The following PTPRN2 variants were observed in gnomAD, a reference collection of about 807,000 sequenced individuals.
PTPRN2 encodes the protein receptor-type tyrosine-protein phosphatase N2.
A neutral mutation model predicts 118.8 loss-of-function variants in PTPRN2; 74 were observed. The observed-to-expected ratio is 0.62, with a 90% confidence interval of 0.52 to 0.76. The LOEUF (loss-of-function observed/expected upper bound fraction) is 0.76. Ranked by LOEUF, PTPRN2 falls within the 30% of genes least tolerant of loss-of-function variation. PTPRN2 has a pLI of 0.00. For missense variants in PTPRN2, 1,481 were observed against 1,394.4 expected (o/e 1.06, Z -0.99); for synonymous variants, 641 against 608.0 (o/e 1.05, Z -0.80).
At chr7:157,683,912 G>T (rs558420773) in intron 12 of PTPRN2, among the ~76,000 whole-genome samples, 17 of 152,240 alleles carry the variant, frequency 1.1e-4, no homozygotes, top group South Asian at 4.2e-4. Context: ...TACAAGATGA[G>T]AACAATTAGC....
chr7:157,709,372 T>C (rs1302930616), intron 12 of PTPRN2, among the ~76,000 whole-genome samples: 2 of 152,200 alleles, frequency 1.3e-5, no homozygotes, highest in Non-Finnish European at 2.9e-5. Flanking sequence ...GACAATTCTT[T>C]CAGTCCTGGT....
At chr7:158,431,455 C>T (rs201134399) in intron 2 of PTPRN2, among the ~76,000 whole-genome samples, 7 of 139,790 alleles carry the variant, frequency 5.0e-5, no homozygotes, top group Admixed American at 4.9e-4. Context: ...CTGCCTCACA[C>T]GACACACACT....
At chr7:157,710,130 AAGGGGAACCCAC>A (rs1398727830) in intron 12 of PTPRN2, among the ~76,000 whole-genome samples, 2 of 152,176 alleles carry the variant, frequency 1.3e-5, no homozygotes. Context: ...GCATCCACAC[AAGGGGAACCCAC>A]AGGGCACTTG....
At chr7:157,856,352 G>A (rs1033793280) in intron 12 of PTPRN2, among the ~76,000 whole-genome samples, 10 of 152,250 alleles carry the variant, frequency 6.6e-5, no homozygotes, top group Non-Finnish European at 1.3e-4. Context: ...ACAGCTGGCT[G>A]TTTTTTGTTT....
At chr7:158,326,470 C>T (rs1803529781) in intron 2 of PTPRN2, among the ~76,000 whole-genome samples, 1 of 152,236 alleles carries the variant, frequency 6.6e-6, no homozygotes, top group African/African-American at 2.4e-5. Context: ...GCACAATACA[C>T]AAGCAACCAC....
chr7:158,131,485 CTT>C (rs931878169), intron 9 of PTPRN2, among the ~76,000 whole-genome samples: 11 of 147,824 alleles, frequency 7.4e-5, no homozygotes, highest in Admixed American at 4.0e-4. Context: ...TACACACACA[CTT>C]ATACACACAA....
chr7:158,184,175 T>A (rs1381121052), intron 5 of PTPRN2, among the ~76,000 whole-genome samples: 1 of 152,160 alleles, frequency 6.6e-6, no homozygotes, highest in East Asian at 1.9e-4. Context: ...TTAAGGATTG[T>A]GTTTTTGTAT....
At chr7:158,337,501 TCG>T (rs1805887348) in intron 2 of PTPRN2, among the ~76,000 whole-genome samples, 1 of 149,952 alleles carries the variant, frequency 6.7e-6, no homozygotes. Context: ...CAGACGTCAC[TCG>T]CACCCACACT....
chr7:158,470,132 G>C (rs1197216283), intron 2 of PTPRN2, among the ~76,000 whole-genome samples: 1 of 152,206 alleles, frequency 6.6e-6, no homozygotes, highest in Non-Finnish European at 1.5e-5. Context: ...TCGTCAAGTA[G>C]AAATAAAAGA....
At chr7:158,511,053 A>G (rs1343912245) in intron 1 of PTPRN2, among the ~76,000 whole-genome samples, 1 of 152,234 alleles carries the variant, frequency 6.6e-6, no homozygotes, top group African/African-American at 2.4e-5. Context: ...GTTTTTCTCA[A>G]GTTAAAATAT....
At chr7:158,403,585 A>G (rs969298304) in intron 2 of PTPRN2, among the ~76,000 whole-genome samples, 3 of 152,194 alleles carry the variant, frequency 2.0e-5, no homozygotes, top group African/African-American at 4.8e-5. Flanking sequence ...TGGCACGTCA[A>G]TCACCACAGA....
In PTPRN2 at chr7:157,656,360, G is replaced by A; in HGVS notation, c.2193C>T (p.Ile731=). The A allele has an allele frequency of 6.5e-7, 1 of 1,549,010 alleles. No homozygotes were observed. Among genetic ancestry groups the A allele is most frequent in the South Asian group, 1.2e-5 (1 of 84,040 alleles). The change falls in exon 14 of 23, where the codon ATC becomes ATT. Residue 731 remains isoleucine (I), a synonymous_variant. Coordinates refer to ENST00000389418, the MANE Select transcript of PTPRN2 (RefSeq NM_002847.5). The part of the protein sequence containing the change: ...SNMDISTGHM[I]LSYMEDHLKN... ...GGAGTGCAAAGACTGGGCTTACCAGGATCATGTGGCCGGTGGAGATGTCCA... is the reference window on the plus strand; with the variant it reads ...GGAGTGCAAAGACTGGGCTTACCAGAATCATGTGGCCGGTGGAGATGTCCA...
chr7:157,584,886 C>G (rs979622455), intron 17 of PTPRN2, among the ~76,000 whole-genome samples: 1 of 152,144 alleles, frequency 6.6e-6, no homozygotes, highest in Middle Eastern at 3.2e-3. Flanking sequence ...GAGGACAGTC[C>G]TAAGAAATGA....
chr7:157,572,289 C>T (rs373230513), intron 19 of PTPRN2, among the ~76,000 whole-genome samples: 3 of 151,968 alleles, frequency 2.0e-5, no homozygotes, highest in Admixed American at 2.0e-4. Flanking sequence ...AAATTAAAGG[C>T]GGAACCTCGG....
intron 3 of PTPRN2, among the ~76,000 whole-genome samples, chr7:158,316,482 T>C (rs568730562): frequency 2.4e-4 from 37 of 152,238 alleles, no homozygotes; most frequent in African/African-American, 8.7e-4. Flanking sequence ...GCTGATTCTC[T>C]CCAGGCCGAG....
chr7:158,212,511 C>T (rs1395104275), intron 3 of PTPRN2, among the ~76,000 whole-genome samples: 1 of 152,078 alleles, frequency 6.6e-6, no homozygotes, highest in Non-Finnish European at 1.5e-5. Context: ...AATATATACA[C>T]CTGTGTACCC....
At chr7:158,057,147 C>T (rs938593901) in intron 11 of PTPRN2, among the ~76,000 whole-genome samples, 10 of 152,230 alleles carry the variant, frequency 6.6e-5, no homozygotes, top group Non-Finnish European at 7.3e-5. Context: ...CAATCCTCTG[C>T]AATTCTATTT....
intron 14 of PTPRN2, among the ~76,000 whole-genome samples, chr7:157,645,333 C>T (rs907081783): frequency 6.6e-6 from 1 of 152,198 alleles, no homozygotes; most frequent in African/African-American, 2.4e-5. Context: ...TTCCCACCTA[C>T]CAGCGGCAAA....
chr7:158,482,826 T>C (rs1820741518), intron 2 of PTPRN2, among the ~76,000 whole-genome samples: 1 of 151,082 alleles, frequency 6.6e-6, no homozygotes, highest in Non-Finnish European at 1.5e-5. Flanking sequence ...ATATGCAATG[T>C]TTATATAGAC....
Sources: allele counts gnomAD v4.1 joint callset (sites outside exome capture counted in the v4.1 genomes callset), GRCh38; gene constraint gnomAD v4.1.1; transcripts MANE v1.5; gene names NCBI Gene and HGNC (gene_info 2026-07-23, HGNC 2026-07-21).